RICTOR: variants seen among roughly 807,000 people sequenced by gnomAD.
RICTOR encodes the protein RPTOR independent companion of MTOR complex 2, also known as rapamycin-insensitive companion of mTOR.
A neutral mutation model predicts 214.9 loss-of-function variants in RICTOR; 49 were observed. The observed-to-expected ratio is 0.23, with a 90% CI of 0.18 to 0.29. RICTOR has a LOEUF of 0.29. Among genes scored for constraint, RICTOR ranks in the 10% least tolerant of loss-of-function variants. RICTOR has a pLI of 1.00. For synonymous variants in RICTOR, 717 were observed against 711.3 expected (o/e 1.01, Z -0.13); for missense variants, 1,625 against 2,047.0 (o/e 0.79, Z 3.98).
At position 38,950,076 on chromosome 5, in the gene RICTOR, C is replaced by G. The variant is rs748164112; in HGVS notation, c.3772G>C (p.Val1258Leu). The G allele has an allele frequency of 1.2e-6, 2 of 1,612,742 alleles. No individual in the cohort carries two copies. Among genetic ancestry groups the G allele is most frequent in the Non-Finnish European group, 1.7e-6 (2 of 1,179,272 alleles). The change falls in exon 31 of 38, where the codon GTG (valine) becomes CTG (leucine). Residue 1258 changes from valine (V) to leucine (L), a missense_variant. By Grantham distance (32) the Val-to-Leu change is conservative (BLOSUM62 1). This residue lies in a region of RICTOR where 1,214 missense variants were observed against 1,470.5 expected (regional missense o/e 0.83). Transcript: ENST00000357387. ...MDTDCGSMST[V>L]VSTKTIKTSH... is the part of the protein sequence containing the mutation. ...GTCTTAATAGTTTTAGTACTTACCA[C>G]AGTACTCATGCTTCCACAGTCTGTG...
intron 15 of RICTOR, among the ~76,000 whole-genome samples, chr5:38,965,861 T>A (rs186357518): frequency 6.6e-6 from 1 of 152,108 alleles, no homozygotes; most frequent in Non-Finnish European, 1.5e-5. Context: ...CTGCTAAAAA[T>A]AGCAAACTGT....
intron 5 of RICTOR, 65 bp from the exon 6 acceptor site, chr5:38,996,947 A>C: frequency 9.3e-7 from 1 of 1,072,016 alleles, no homozygotes; most frequent in Non-Finnish European, 1.4e-6. Context: ...GTATCACAAT[A>C]CTGATAGATG....
At chr5:39,026,635 T>G (rs966497963) in intron 2 of RICTOR, among the ~76,000 whole-genome samples, 8 of 151,904 alleles carry the variant, frequency 5.3e-5, no homozygotes, top group African/African-American at 1.9e-4. Context: ...TCTTCTCCTG[T>G]CCTTCCATCG....
At position 39,040,259 on chromosome 5, in the gene RICTOR, C is replaced by A. The variant is rs77526980; in HGVS notation, c.98-19123G>T. On this transcript the variant is annotated intron_variant, in intron 2 of 37. Transcript: ENST00000357387. ...ACATGTTCTCACTCATAGGTGGGAA[C>A]TGAACAATGAGAACACATGGACACA... Among the ~76,000 whole-genome samples the A allele has an allele frequency of 1.0e-3, 150 of 144,118 alleles. 1 individual carries two copies. The Middle Eastern group carries it at 0.011, about 11-fold the overall frequency. The allele number at this position is 144,118 out of a possible 152,430, so 94.5% of individuals were successfully genotyped here.
intron 6 of RICTOR, among the ~76,000 whole-genome samples, chr5:38,993,043 T>C (rs916749765): frequency 3.3e-5 from 5 of 152,110 alleles, no homozygotes; most frequent in African/African-American, 1.2e-4. Context: ...GTGGTAGTAG[T>C]GGTGGGTAGT....
At chr5:38,981,058 T>C (rs1261985026) in intron 8 of RICTOR, 1 of 152,222 alleles carries the variant, frequency 6.6e-6, no homozygotes, top group African/African-American at 2.4e-5. Context: ...CATTGTTAGT[T>C]AATAATATAG....
Position 39,006,260 on chromosome 5 carries a change from CA to C in RICTOR, c.196-2639del, listed in dbSNP as rs1317984815. 2.6e-5 allele frequency among the ~76,000 whole-genome samples: 4 copies of C among 152,302 alleles called. No homozygotes were observed. In the South Asian group the frequency reaches 6.2e-4, roughly 24 times the overall value. ...TGCCCGAGCAGCTTCCTGCTGCCTTCAAACAGGTTTTCCTAGTTTTCATTGA... is the reference window on the plus strand; with the variant it reads ...TGCCCGAGCAGCTTCCTGCTGCCTTCAACAGGTTTTCCTAGTTTTCATTGA... On this transcript the variant is annotated intron_variant, in intron 3 of 37. Transcript: ENST00000357387.
intron 2 of RICTOR, among the ~76,000 whole-genome samples, chr5:39,025,526 C>T (rs1470657297): frequency 6.6e-6 from 1 of 152,168 alleles, no homozygotes; most frequent in African/African-American, 2.4e-5. Flanking sequence ...GTTCAGTATA[C>T]TATAAAACTA....
At chr5:38,966,348 G>A (rs553190067) in intron 15 of RICTOR, among the ~76,000 whole-genome samples, 3 of 152,282 alleles carry the variant, frequency 2.0e-5, no homozygotes, top group East Asian at 3.9e-4. Flanking sequence ...TTTACAGGAC[G>A]AAAATGTCAA....
intron 2 of RICTOR, among the ~76,000 whole-genome samples, chr5:39,031,223 C>T (rs1177508749): frequency 6.6e-6 from 1 of 152,100 alleles, no homozygotes; most frequent in Non-Finnish European, 1.5e-5. Flanking sequence ...AATGACTGAC[C>T]AGGTTTGTTG....
At position 38,939,226 on chromosome 5, in the gene RICTOR, G is replaced by GCTGAA. The variant is rs1747269878; in HGVS notation, c.*3073_*3077dup. ...TGTAAATAAGCATTGATATCCCACT[G>GCTGAA]CTGAACACTTGGCCGTTGTGATATG... On this transcript the variant is annotated 3_prime_UTR_variant, in exon 38 of 38. Transcript: ENST00000357387. The GCTGAA allele has an allele frequency of 4.3e-6, 1 of 232,998 alleles. No homozygotes were observed. Among genetic ancestry groups the GCTGAA allele is most frequent in the Non-Finnish European group, 8.5e-6 (1 of 117,660 alleles). The allele number at this position is 232,998 out of a possible 1,614,324, so 14.4% of individuals were successfully genotyped here.
intron 30 of RICTOR, among the ~76,000 whole-genome samples, chr5:38,951,678 A>G (rs1336271130): frequency 2.6e-5 from 4 of 151,938 alleles, no homozygotes; most frequent in African/African-American, 4.8e-5. Context: ...AATTTTGTAC[A>G]CCTAACACCA....
chr5:39,012,270 C>T (rs903505295), intron 3 of RICTOR, among the ~76,000 whole-genome samples: 1 of 152,098 alleles, frequency 6.6e-6, no homozygotes, highest in South Asian at 2.1e-4. Flanking sequence ...GCTGCCTTCC[C>T]CCTTCACTCA....
intron 2 of RICTOR, among the ~76,000 whole-genome samples, chr5:39,069,812 G>A (rs1251889961): frequency 6.6e-6 from 1 of 152,138 alleles, no homozygotes; most frequent in South Asian, 2.1e-4. Flanking sequence ...ATATTCCCAA[G>A]AGAGCACATA....
Position 38,950,177 on chromosome 5 carries a change from G to A in RICTOR, c.3671C>T (p.Thr1224Ile). ...CATTGAACTTATGCCACTTGTTGTA[G>A]TGTCTGTATTGAAACTTTGGCTACG... is the stretch of plus-strand genomic sequence containing the variant. Reference protein sequence around the residue: ...KIRSQSFNTDTTTSGISSMSS... With the variant: ...KIRSQSFNTDITTSGISSMSS... Residue 1224 changes from threonine (T) to isoleucine (I), a missense_variant, in exon 31 of 38, where the codon ACT becomes ATT. By Grantham distance (89) the Thr-to-Ile change is moderately conservative (BLOSUM62 -1). Transcript: ENST00000357387. 6.2e-7 allele frequency: 1 copy of A among 1,613,466 alleles called. No individual in the cohort carries two copies. Among genetic ancestry groups the A allele is most frequent in the East Asian group, 2.2e-5 (1 of 44,868 alleles).
intron 37 of RICTOR, among the ~76,000 whole-genome samples, 176 bp from the exon 38 acceptor site, chr5:38,942,554 G>A (rs748392628): frequency 6.8e-6 from 1 of 146,966 alleles, no homozygotes; most frequent in Non-Finnish European, 1.5e-5. Context: ...GGGTTCATAT[G>A]ATCCTCCCAC....
intron 2 of RICTOR, among the ~76,000 whole-genome samples, chr5:39,069,328 C>T (rs911565384): frequency 2.0e-5 from 3 of 152,168 alleles, no homozygotes. Context: ...CCATGCCTAA[C>T]ATAGTACCTG....
At chr5:38,993,984 C>A (rs2432224) in intron 6 of RICTOR, among the ~76,000 whole-genome samples, 1 of 152,132 alleles carries the variant, frequency 6.6e-6, no homozygotes, top group Admixed American at 6.5e-5. Context: ...AGATCAAGAC[C>A]ATCCTGGTTA....
At chr5:38,957,904 T>G (rs1266086618) in intron 24 of RICTOR, among the ~76,000 whole-genome samples, 174 bp from the exon 25 acceptor site, 2 of 152,084 alleles carry the variant, frequency 1.3e-5, no homozygotes, top group Non-Finnish European at 2.9e-5. Flanking sequence ...ACAAATAAAT[T>G]TTCACAATCT....
Sources: allele counts gnomAD v4.1 joint callset (sites outside exome capture counted in the v4.1 genomes callset), GRCh38; gene constraint gnomAD v4.1.1; regional missense constraint gnomAD v4.1.1; transcripts MANE v1.5; gene names NCBI Gene and HGNC (gene_info 2026-07-23, HGNC 2026-07-21).